ATN1: variants seen among roughly 807,000 people sequenced by gnomAD.
The protein encoded by ATN1 is atrophin-1.
Under a neutral mutation model 85.8 loss-of-function variants are expected in ATN1, and 19 were observed. That is an observed-to-expected ratio of 0.22 (90% CI 0.15 to 0.32). The LOEUF (loss-of-function observed/expected upper bound fraction) is 0.32, where lower values mean the gene tolerates loss of function less well. ATN1 is among the 10% of genes least tolerant of loss of function. The pLI, the probability that ATN1 is intolerant of heterozygous loss-of-function variation, is 1.00. For synonymous variants in ATN1, 674 were observed against 657.0 expected (o/e 1.03, Z -0.39); for missense variants, 1,453 against 1,564.5 (o/e 0.93, Z 1.20).
chr12:6,925,407 AGAGGAAATGCCAT>A (rs1945390305), upstream of ATN1, among the ~76,000 whole-genome samples: 1 of 151,986 alleles, frequency 6.6e-6, no homozygotes. Flanking sequence ...GTACAGAAAG[AGAGGAAATGCCAT>A]GGGGAGAGAG....
chr12:6,941,843 C>A lies in ATN1; in HGVS notation c.*63C>A, dbSNP rs896097173. The stretch of plus-strand genomic sequence containing the variant: ...GACCTTGGAGCACCCCCACCCTCCC[C>A]CCACCGTGCCCTTGGCCTGCCACCC... On this transcript the variant is annotated 3_prime_UTR_variant, in exon 10 of 10. Transcript: ENST00000396684. The surrounding 1 kb of genome is among the most constrained non-coding windows in gnomAD (Gnocchi z 5.9). 2 of 1,564,074 alleles carry A rather than the reference C, an allele frequency of 1.3e-6. No individual in the cohort carries two copies. Among genetic ancestry groups the A allele is most frequent in the Non-Finnish European group, 8.8e-7 (1 of 1,135,258 alleles).
Position 6,934,645 on chromosome 12 carries a change from C to T in ATN1, c.279+67C>T, listed in dbSNP as rs1335043341. On this transcript the variant is annotated intron_variant, in intron 4 of 9. Transcript: ENST00000396684. The surrounding 1 kb of genome is among the most constrained non-coding windows in gnomAD (Gnocchi z 4.5). ...TTCTTTTCTCAGACTTGCTTATGCT[C>T]ACTATTCTTAGCTGGATCTCTCCTG... 1 of 1,188,408 alleles carries T rather than the reference C, an allele frequency of 8.4e-7. No homozygotes were observed. Among genetic ancestry groups the T allele is most frequent in the African/African-American group, 1.5e-5 (1 of 65,878 alleles). 73.6% of individuals were successfully genotyped at this position (1,188,408 alleles called of 1,614,324 possible).
rs1354355720 is a variant in ATN1, at chr12:6,928,225, C to T, written c.-322C>T. 1 of 141,948 alleles carries T rather than the reference C, an allele frequency of 7.0e-6. No individual in the cohort carries two copies. The highest frequency in any genetic ancestry group is 1.6e-5 in the Non-Finnish European group (1 of 64,370). 8.8% of individuals were successfully genotyped at this position (141,948 alleles called of 1,614,324 possible). A position where few individuals can be genotyped will look rare whatever the true frequency, so the allele number is the denominator to read the frequency against. On this transcript the variant is annotated 5_prime_UTR_variant, in exon 1 of 10. Coordinates refer to ENST00000396684, the MANE Select transcript of ATN1 (RefSeq NM_001940.4). ...GGCGGGGAAAAGGGGGGATGGGGGC[C>T]GCCCTCCGGGGGGGTCGGGGCCGCC...
In ATN1 at chr12:6,941,649, G is replaced by A. The variant is rs1945636794; in HGVS notation, c.3539+95G>A. 7.5e-6 allele frequency: 12 copies of A among 1,594,338 alleles called. No individual in the cohort carries two copies. Among genetic ancestry groups the A allele is most frequent in the South Asian group, 2.2e-5 (2 of 90,628 alleles). ...GGCTGGGCACCGTGCTCCTGGGGGA[G>A]GGAACCCCTCCTCTCCCAACCCCTT... On this transcript the variant is annotated intron_variant, in intron 9 of 9. Coordinates refer to ENST00000396684, the MANE Select transcript of ATN1 (RefSeq NM_001940.4). The surrounding 1 kb of genome is among the most constrained non-coding windows in gnomAD (Gnocchi z 5.9).
upstream of ATN1, among the ~76,000 whole-genome samples, chr12:6,927,100 G>C (rs782669738): frequency 6.6e-6 from 1 of 150,824 alleles, no homozygotes; most frequent in Non-Finnish European, 1.5e-5. Context: ...GTTTCCTCTG[G>C]ACTTCTCTCT....
In ATN1 at chr12:6,937,156, C is replaced by T; in HGVS notation, c.1889C>T (p.Thr630Met). Residue 630 changes from threonine to methionine, a missense_variant, in exon 5 of 10, where the codon ACG becomes ATG. By Grantham distance (81) the Thr-to-Met change is moderately conservative. Around this residue, in one of 6 missense-constraint regions of ATN1, gnomAD observed 990 missense variants for 914.8 expected, o/e 1.08. Coordinates refer to ENST00000396684, the MANE Select transcript of ATN1 (RefSeq NM_001940.4). The surrounding 1 kb of genome is among the most constrained non-coding windows in gnomAD (Gnocchi z 6.0). ...GCTTCCTCGCCAGCAGGCTACAAAA[C>T]GGCCTCCCCACCTGGGCCCCCACCG... ...TVASSPAGYK[T>M]ASPPGPPPYG... is the part of the protein sequence containing the mutation. 6.2e-7 allele frequency: 1 copy of T among 1,611,292 alleles called. No individual in the cohort carries two copies. Among genetic ancestry groups the T allele is most frequent in the African/African-American group, 1.3e-5 (1 of 75,038 alleles).
At position 6,934,154 on chromosome 12, in the gene ATN1, T is replaced by TAC. The variant is rs782685203; in HGVS notation, c.28-21_28-20dup. ...GTGCAATGTAAAGAACAGTGTTACC[T>TAC]ACCTCCTTCCTCCTCCTGTAGATGT... On this transcript the variant is annotated intron_variant, in intron 2 of 9. Coordinates refer to ENST00000396684, the MANE Select transcript of ATN1 (RefSeq NM_001940.4). This position sits in a 1 kb window ranked among gnomAD's most constrained non-coding sequence, Gnocchi z 4.5. 299 of 1,613,616 alleles carry TAC rather than the reference T, an allele frequency of 1.9e-4. No individual in the cohort carries two copies. The highest frequency in any genetic ancestry group is 3.0e-4 in the Admixed American group (18 of 59,896).
At position 6,937,161 on chromosome 12, in the gene ATN1, TCCCCACCTGGGC is replaced by T; in HGVS notation, c.1902_1913del (p.Gly635_Pro638del). 1 of 1,610,420 alleles carries T rather than the reference TCCCCACCTGGGC, an allele frequency of 6.2e-7. No individual in the cohort carries two copies. Among genetic ancestry groups the T allele is most frequent in the South Asian group, 1.1e-5 (1 of 91,014 alleles). ...CTCGCCAGCAGGCTACAAAACGGCCTCCCCACCTGGGCCCCCACCGTACGGAAAGAGAGCCCC... is the reference window on the plus strand; with the variant it reads ...CTCGCCAGCAGGCTACAAAACGGCCTCCCCACCGTACGGAAAGAGAGCCCC... On this transcript the variant is annotated inframe_deletion, in exon 5 of 10. Coordinates refer to ENST00000396684, the MANE Select transcript of ATN1 (RefSeq NM_001940.4). This position sits in a 1 kb window ranked among gnomAD's most constrained non-coding sequence, Gnocchi z 6.0.
rs782071230 is a variant in ATN1, at chr12:6,936,746, G to C, written c.1479G>C (p.Gln493His). 2 of 1,128,698 alleles carry C rather than the reference G, an allele frequency of 1.8e-6. No homozygotes were observed. Among genetic ancestry groups the C allele is most frequent in the Admixed American group, 4.1e-5 (2 of 48,910 alleles). The allele number at this position is 1,128,698 out of a possible 1,614,324, so 69.9% of individuals were successfully genotyped here. ...AACAGCAACAGCAGCAGCAGCAGCA[G>C]CAGCAGCAGCAGCAGCAGCAGCAGC... Reference protein sequence around the residue: ...HQQQQQQQQQQQQQQQQQQQH... With the variant: ...HQQQQQQQQQHQQQQQQQQQH... Residue 493 changes from glutamine to histidine, a missense_variant, in exon 5 of 10, where the codon CAG (glutamine) becomes CAC (histidine). Coordinates refer to ENST00000396684, the MANE Select transcript of ATN1 (RefSeq NM_001940.4).
chr12:6,931,820 G>A (rs1290792941), intron 1 of ATN1, among the ~76,000 whole-genome samples: 1 of 151,572 alleles, frequency 6.6e-6, no homozygotes, highest in African/African-American at 2.4e-5. Context: ...GATCACCTGA[G>A]GTCAGTAGTT....
At chr12:6,928,660 G>A (rs1555142836) in intron 1 of ATN1, among the ~76,000 whole-genome samples, 1 of 152,214 alleles carries the variant, frequency 6.6e-6, no homozygotes, top group East Asian at 1.9e-4. Context: ...GAGGCCTGTG[G>A]GGCCAGAGGG....
In ATN1 at chr12:6,936,663, A is replaced by C; in HGVS notation, c.1396A>C (p.Thr466Pro). 6.2e-7 allele frequency: 1 copy of C among 1,612,066 alleles called. No individual in the cohort carries two copies. The highest frequency in any genetic ancestry group is 8.5e-7 in the Non-Finnish European group (1 of 1,179,494). ...CCATCCAGGCCCCTTCCCTCCCTCT[A>C]CTGGGGCCCAGTCCACCGCCCACCC... ...NAHPGPFPPS[T>P]GAQSTAHPPV... Residue 466 changes from threonine (T) to proline (P), a missense_variant, in exon 5 of 10, where the codon ACT becomes CCT. Coordinates refer to ENST00000396684, the MANE Select transcript of ATN1 (RefSeq NM_001940.4).
intron 1 of ATN1, among the ~76,000 whole-genome samples, chr12:6,930,945 A>G (rs1166165428): frequency 1.3e-5 from 2 of 152,184 alleles, no homozygotes; most frequent in African/African-American, 4.8e-5. Flanking sequence ...GTGCTAAAAC[A>G]TGACCCAGGT....
chr12:6,938,930 C>A lies in ATN1; in HGVS notation c.2967C>A (p.Phe989Leu). 1 of 1,614,046 alleles carries A rather than the reference C, an allele frequency of 6.2e-7. No individual in the cohort carries two copies. The highest frequency in any genetic ancestry group is 8.5e-7 in the Non-Finnish European group (1 of 1,180,012). ...CTGGCCCACCTGGCCTGCACCCTTT[C>A]CCCTTTCATCCGAGCCTGGGGCCCC... ...LQPGPPGLHP[F>L]PFHPSLGPLE... Residue 989 changes from phenylalanine (F) to leucine (L), a missense_variant, in exon 7 of 10, where the codon TTC (phenylalanine) becomes TTA (leucine). Phe to Leu is a conservative substitution (Grantham distance 22). Transcript: ENST00000396684.
rs925976096 is a variant in ATN1, at chr12:6,941,772, C to T, written c.3565C>T (p.Pro1189Ser). ...TCACCTGAAGAAGGAAAGCGACAAG[C>T]CACTGTAGAACCTGCGATCAAGAGA... ...YSHLKKESDK[P>S]L The change falls in exon 10 of 10, where the codon CCA (proline) becomes TCA (serine). Residue 1189 changes from proline to serine, a missense_variant. Pro to Ser is a moderately conservative substitution (Grantham distance 74). Around this residue, in one of 6 missense-constraint regions of ATN1, gnomAD observed 118 missense variants for 163.7 expected, o/e 0.72. Transcript: ENST00000396684. The surrounding 1 kb of genome is among the most constrained non-coding windows in gnomAD (Gnocchi z 5.9). 4 of 1,613,968 alleles carry T rather than the reference C, an allele frequency of 2.5e-6. No homozygotes were observed. In the African/African-American group the frequency reaches 4.0e-5, roughly 16 times the overall value.
chr12:6,936,738 CAGCAGCAGCAGCAGCAGCA>C lies in ATN1; in HGVS notation c.1472_1490del (p.Gln491ArgfsTer43). 7 of 876,540 alleles carry C rather than the reference CAGCAGCAGCAGCAGCAGCA, an allele frequency of 8.0e-6. No individual in the cohort carries two copies. The highest frequency in any genetic ancestry group is 1.1e-5 in the Non-Finnish European group (7 of 643,712). 54.3% of individuals were successfully genotyped at this position (876,540 alleles called of 1,614,324 possible). On this transcript the variant is annotated frameshift_variant, in exon 5 of 10. Transcript: ENST00000396684. LOFTEE classifies it high-confidence loss of function. Reference sequence around the variant, plus strand: ...CCACCAGCAACAGCAACAGCAGCAGCAGCAGCAGCAGCAGCAGCAGCAGCAGCAGCAGCAGCATCACGGA... The same window carrying C: ...CCACCAGCAACAGCAACAGCAGCAGCGCAGCAGCAGCAGCAGCATCACGGA...
chr12:6,934,226 A>C lies in ATN1; in HGVS notation c.78A>C (p.Glu26Asp). ...AAGAGGCCCCTGGGCCCCGGGAAGA[A>C]CTGAGATCGAGGGGCCGGGCCTCCC... ...RKKEAPGPREELRSRGRASPG... is the reference protein window; with the variant it reads ...RKKEAPGPREDLRSRGRASPG... The change falls in exon 3 of 10, where the codon GAA becomes GAC. Residue 26 changes from glutamate to aspartate, a missense_variant. Transcript: ENST00000396684. The surrounding 1 kb of genome is among the most constrained non-coding windows in gnomAD (Gnocchi z 4.5). The C allele has an allele frequency of 1.3e-6, 2 of 1,591,102 alleles. No homozygotes were observed. Among genetic ancestry groups the C allele is most frequent in the Non-Finnish European group, 1.7e-6 (2 of 1,174,436 alleles).
Position 6,937,469 on chromosome 12 carries a change from TGAGACCCCC to T in ATN1, c.2207_2215del (p.Thr736_Glu738del), listed in dbSNP as rs1450164611. The T allele has an allele frequency of 2.1e-5, 33 of 1,544,720 alleles. No individual in the cohort carries two copies. The highest frequency in any genetic ancestry group is 1.8e-4 in the Middle Eastern group (1 of 5,526). On this transcript the variant is annotated inframe_deletion, in exon 5 of 10. Transcript: ENST00000396684. This position sits in a 1 kb window ranked among gnomAD's most constrained non-coding sequence, Gnocchi z 6.0. ...TCAAACAGGAGCCGGCTGAGGAGTA[TGAGACCCCC>T]GAGAGCCCGGTGCCCCCAGCCCGCA... is the stretch of plus-strand genomic sequence containing the variant.
In ATN1 at chr12:6,941,377, C is replaced by T; in HGVS notation, c.3362C>T (p.Ala1121Val). Residue 1121 changes from alanine (A) to valine (V), a missense_variant, in exon 9 of 10, where the codon GCC (alanine) becomes GTC (valine). Physicochemically the swap from Ala to Val is moderately conservative, Grantham distance 64. This residue lies in a region of ATN1 where 118 missense variants were observed against 163.7 expected (regional missense o/e 0.72). Coordinates refer to ENST00000396684, the MANE Select transcript of ATN1 (RefSeq NM_001940.4). The surrounding 1 kb of genome is among the most constrained non-coding windows in gnomAD (Gnocchi z 5.9). ...CCCTTGCCCTTCCTGCTCACAGCTG[C>T]CCCTTACCGGGACCTGCCGGCCTCC... ...NEVLRHQLFA[A>V]PYRDLPASLS... 6.3e-7 allele frequency: 1 copy of T among 1,599,492 alleles called. No homozygotes were observed. The highest frequency in any genetic ancestry group is 1.1e-5 in the South Asian group (1 of 90,164).
Sources: allele counts gnomAD v4.1 joint callset (sites outside exome capture counted in the v4.1 genomes callset), GRCh38; gene constraint gnomAD v4.1.1; regional missense constraint gnomAD v4.1.1; non-coding constraint Gnocchi (gnomAD v3.1); transcripts MANE v1.5; gene names NCBI Gene and HGNC (gene_info 2026-07-23, HGNC 2026-07-21).